PCDHA10: variants seen among roughly 807,000 people sequenced by gnomAD.
PCDHA10 encodes protocadherin alpha 10.
In PCDHA10, 45 loss-of-function variants were observed where a neutral mutation model predicts 61.2. The ratio of observed to expected loss-of-function variants is 0.74; its 90% CI spans 0.58 to 0.94. The LOEUF (loss-of-function observed/expected upper bound fraction) is 0.94, where lower values mean the gene tolerates loss of function less well. PCDHA10 is among the 40% of genes least tolerant of loss of function. The probability of loss-of-function intolerance (pLI) is 0.00; values close to 1 mark genes in which losing one functional copy is unlikely to be tolerated. For missense variants in PCDHA10, 1,278 were observed against 1,236.2 expected (o/e 1.03, Z -0.51); for synonymous variants, 602 against 548.8 (o/e 1.10, Z -1.35).
At chr5:141,005,220 C>T (rs2098201724) in intron 3 of PCDHA10, among the ~76,000 whole-genome samples, 1 of 152,192 alleles carries the variant, frequency 6.6e-6, no homozygotes, top group Admixed American at 6.5e-5. Flanking sequence ...CAAGTATTTA[C>T]TAAACACCTG....
At chr5:140,884,706 C>T (rs1554181856) in intron 1 of PCDHA10, 3 of 1,489,002 alleles carry the variant, frequency 2.0e-6, no homozygotes, top group Non-Finnish European at 8.9e-7. Flanking sequence ...ACACTTTAGC[C>T]TTCCTTGCAG....
intron 1 of PCDHA10, among the ~76,000 whole-genome samples, chr5:140,899,769 T>C (rs376898324): frequency 4.6e-4 from 70 of 152,316 alleles, no homozygotes; most frequent in African/African-American, 1.7e-3. Flanking sequence ...CAGTTCCTCC[T>C]TTTACCTCTG....
intron 1 of PCDHA10, among the ~76,000 whole-genome samples, chr5:140,941,198 T>TCTTCCTTTCTTC (rs1563184149): frequency 4.2e-5 from 5 of 119,808 alleles, no homozygotes; most frequent in African/African-American, 1.0e-4. Context: ...TTTTTTTCTT[T>TCTTCCTTTCTTC]CTTCCTTTCT....
At chr5:140,875,236 C>G (rs2055366681) in intron 1 of PCDHA10, 2 of 889,228 alleles carry the variant, frequency 2.2e-6, no homozygotes, top group East Asian at 2.9e-5. Context: ...CTTTCTTGTA[C>G]TTACATAATC....
chr5:140,857,420 G>T lies in PCDHA10; in HGVS notation c.1372G>T (p.Glu458Ter). The T allele has an allele frequency of 6.9e-6, 11 of 1,598,360 alleles. 1 individual carries two copies. Among genetic ancestry groups the T allele is most frequent in the Non-Finnish European group, 8.6e-6 (10 of 1,167,812 alleles). Residue 458 changes from glutamate to a stop codon, truncating the protein, a stop_gained, in exon 1 of 4, where the codon GAG becomes TAG. Coordinates refer to ENST00000307360, the MANE Select transcript of PCDHA10 (RefSeq NM_018901.4). LOFTEE classifies it high-confidence loss of function. ...NDNAPAFAQS[E>*]YTVFVKENNP... Reference sequence around the variant, plus strand: ...CAACGCGCCTGCGTTCGCGCAGTCCGAGTACACGGTGTTCGTGAAGGAGAA... The same window carrying T: ...CAACGCGCCTGCGTTCGCGCAGTCCTAGTACACGGTGTTCGTGAAGGAGAA...
chr5:140,994,473 C>T (rs1199561805), intron 3 of PCDHA10, among the ~76,000 whole-genome samples: 2 of 152,038 alleles, frequency 1.3e-5, no homozygotes, highest in Admixed American at 6.5e-5. Flanking sequence ...GAGGCTGAGG[C>T]GGGTGGATTG....
intron 1 of PCDHA10, chr5:140,884,245 G>A: frequency 6.2e-7 from 1 of 1,613,462 alleles, no homozygotes; most frequent in Non-Finnish European, 8.5e-7. Context: ...AGCCCGCGCT[G>A]ACGGCCACGG....
rs368920437 is a variant in PCDHA10, at chr5:140,857,660, G to T, written c.1612G>T (p.Asp538Tyr). The change falls in exon 1 of 4, where the codon GAT becomes TAT. Residue 538 changes from aspartate to tyrosine, a missense_variant. Coordinates refer to ENST00000307360, the MANE Select transcript of PCDHA10 (RefSeq NM_018901.4). ...ELLQFQVSAR[D>Y]GGVPPLGSNL... ...GCTACAGTTCCAGGTGAGCGCGCGC[G>T]ATGGGGGCGTGCCGCCTCTGGGCAG... is the stretch of plus-strand genomic sequence containing the variant. 1.2e-5 allele frequency: 19 copies of T among 1,596,850 alleles called. 2 individuals are homozygous for T. In the East Asian group the frequency reaches 1.3e-4, roughly 11 times the overall value.
chr5:140,863,376 C>T (rs781824830), intron 1 of PCDHA10: 2 of 1,123,242 alleles, frequency 1.8e-6, no homozygotes, highest in South Asian at 1.2e-5. Context: ...CGCAGCTCAC[C>T]GAGAGCTCGT....
At chr5:140,883,551 G>C (rs375469569) in intron 1 of PCDHA10, 16 of 1,614,234 alleles carry the variant, frequency 9.9e-6, no homozygotes, top group Middle Eastern at 1.7e-4. Flanking sequence ...GTGACCGCGC[G>C]GGACGGGGGC....
At chr5:140,889,632 C>T (rs265311) in intron 1 of PCDHA10, among the ~76,000 whole-genome samples, 138,318 of 152,176 alleles carry the variant, frequency 0.91, 63,092 homozygotes, top group East Asian at 1. Context: ...CTCTTCTTTT[C>T]ATTTGTGTTT....
At chr5:140,876,086 C>G (rs371336139) in intron 1 of PCDHA10, 7 of 1,613,778 alleles carry the variant, frequency 4.3e-6, no homozygotes, top group Non-Finnish European at 1.7e-6. Flanking sequence ...AGAGAGCAAA[C>G]GCCAAAACTC....
In PCDHA10 at chr5:141,011,816, A is replaced by G. The variant is rs1382441831; in HGVS notation, c.*1879A>G. The G allele has an allele frequency of 1.3e-5, 2 of 153,794 alleles. No homozygotes were observed. Among genetic ancestry groups the G allele is most frequent in the Admixed American group, 1.3e-4 (2 of 15,280 alleles). The allele number at this position is 153,794 out of a possible 1,614,324, so 9.5% of individuals were successfully genotyped here. On this transcript the variant is annotated 3_prime_UTR_variant, in exon 4 of 4. Transcript: ENST00000307360. ...TCTGAAATATCAGCTCATAGAAAGT[A>G]ACAAAATTTGCTGTCACCTTAAATA...
At chr5:140,979,922 A>T (rs1317860679) in intron 2 of PCDHA10, among the ~76,000 whole-genome samples, 1 of 152,276 alleles carries the variant, frequency 6.6e-6, no homozygotes, top group Non-Finnish European at 1.5e-5. Flanking sequence ...GAGAAAGCCT[A>T]CAAAGTATGT....
At chr5:141,000,547 A>T (rs2097946124) in intron 3 of PCDHA10, among the ~76,000 whole-genome samples, 1 of 147,246 alleles carries the variant, frequency 6.8e-6, no homozygotes, top group Non-Finnish European at 1.5e-5. Context: ...CATGCCTCAA[A>T]CTCCCGAGTA....
At chr5:140,859,880 T>C (rs922706728) in intron 1 of PCDHA10, 1 of 152,036 alleles carries the variant, frequency 6.6e-6, no homozygotes, top group Non-Finnish European at 1.5e-5. Context: ...CCCTCTGATA[T>C]TTTGAAAAAA....
At chr5:140,862,636 T>C in intron 1 of PCDHA10, 1 of 539,338 alleles carries the variant, frequency 1.9e-6, no homozygotes, top group East Asian at 5.1e-5. Flanking sequence ...CTGCCACGAC[T>C]TCACAGTGTC....
chr5:140,899,982 AT>A (rs1290251020), intron 1 of PCDHA10, among the ~76,000 whole-genome samples: 2 of 150,600 alleles, frequency 1.3e-5, no homozygotes, highest in African/African-American at 4.9e-5. Flanking sequence ...TACTTTTTTG[AT>A]TTTTTTTGTA....
Position 140,856,280 on chromosome 5 carries a change from C to T in PCDHA10, c.232C>T (p.Leu78=). ...KRHGDLLEVN[L]QNGILFVNSR... is the part of the protein sequence containing the mutation. Reference sequence around the variant, plus strand: ...ACACGGGGACCTTCTGGAGGTAAATCTGCAGAATGGCATTTTGTTTGTGAA... The same window carrying T: ...ACACGGGGACCTTCTGGAGGTAAATTTGCAGAATGGCATTTTGTTTGTGAA... The change falls in exon 1 of 4, where the codon CTG becomes TTG. Residue 78 remains leucine, a synonymous_variant. Coordinates refer to ENST00000307360, the MANE Select transcript of PCDHA10 (RefSeq NM_018901.4). 6.3e-7 allele frequency: 1 copy of T among 1,598,442 alleles called. No individual in the cohort carries two copies. Among genetic ancestry groups the T allele is most frequent in the Non-Finnish European group, 8.6e-7 (1 of 1,168,020 alleles).
Sources: gnomAD v4.1 joint callset for allele counts (sites outside exome capture counted in the v4.1 genomes callset) on GRCh38, gnomAD v4.1.1 for gene constraint, MANE v1.5 for transcripts, NCBI Gene and HGNC (gene_info 2026-07-23, HGNC 2026-07-21) for gene names.